The following KBTBD7 variants were observed in gnomAD, a reference collection of about 807,000 sequenced individuals.
The protein encoded by KBTBD7 is kelch repeat and BTB domain-containing protein 7.
Under a neutral mutation model 50.3 loss-of-function variants are expected in KBTBD7, and 25 were observed. That is an observed-to-expected ratio of 0.50 (90% CI 0.36 to 0.69). The LOEUF is 0.69. Among genes scored for constraint, KBTBD7 ranks in the 30% least tolerant of loss-of-function variants. The pLI is 0.00. For synonymous variants in KBTBD7, 305 were observed against 325.3 expected (o/e 0.94, Z 0.67); for missense variants, 653 against 869.5 (o/e 0.75, Z 3.13).
Position 41,191,778 on chromosome 13 carries a change from C to A in KBTBD7, c.*425G>T. Reference sequence around the variant, plus strand: ...TTTATTTTGAAGGAAAGTACACATCCTTCAAAACCCCGCTAACAATTCCTA... The same window carrying A: ...TTTATTTTGAAGGAAAGTACACATCATTCAAAACCCCGCTAACAATTCCTA... On this transcript the variant is annotated 3_prime_UTR_variant, in exon 1 of 1. Coordinates refer to ENST00000379483, the MANE Select transcript of KBTBD7 (RefSeq NM_032138.7). 6.5e-6 allele frequency: 1 copy of A among 154,058 alleles called. No homozygotes were observed. Among genetic ancestry groups the A allele is most frequent in the Non-Finnish European group, 1.4e-5 (1 of 69,576 alleles). The allele number at this position is 154,058 out of a possible 1,614,324, so 9.5% of individuals were successfully genotyped here.
In KBTBD7 at chr13:41,194,321, C is replaced by T; in HGVS notation, c.-64G>A. 6.4e-7 allele frequency: 1 copy of T among 1,563,818 alleles called. No homozygotes were observed. The highest frequency in any genetic ancestry group is 1.2e-5 in the South Asian group (1 of 83,830). On this transcript the variant is annotated 5_prime_UTR_variant, in exon 1 of 1. Transcript: ENST00000379483. ...GCAGGACCAGGCTCTGGCTCCTCCTCAACCTTCCCTCGCTGACGCTAAGAC... is the reference window on the plus strand; with the variant it reads ...GCAGGACCAGGCTCTGGCTCCTCCTTAACCTTCCCTCGCTGACGCTAAGAC...
Position 41,191,976 on chromosome 13 carries a change from C to T in KBTBD7, c.*227G>A, listed in dbSNP as rs967270948. On this transcript the variant is annotated 3_prime_UTR_variant, in exon 1 of 1. Transcript: ENST00000379483. ...AAAAAAACCTACCAAGCATCCTAAT[C>T]AATTATATAGTTCTTGCTTCCATAT... is the stretch of plus-strand genomic sequence containing the variant. The T allele has an allele frequency of 2.5e-5, 11 of 433,402 alleles. No individual in the cohort carries two copies. The highest frequency in any genetic ancestry group is 4.1e-5 in the Non-Finnish European group (10 of 245,846). 26.8% of individuals were successfully genotyped at this position (433,402 alleles called of 1,614,324 possible). A position where few individuals can be genotyped will look rare whatever the true frequency, so the allele number is the denominator to read the frequency against.
chr13:41,193,934 C>T lies in KBTBD7; in HGVS notation c.324G>A (p.Gln108=). ...SMFTGGMYES[Q]QASVTMHDVD... Reference sequence around the variant, plus strand: ...CATCGTGCATGGTCACGCTGGCCTGCTGGCTCTCGTACATGCCACCTGTGA... The same window carrying T: ...CATCGTGCATGGTCACGCTGGCCTGTTGGCTCTCGTACATGCCACCTGTGA... The change falls in exon 1 of 1, where the codon CAG becomes CAA. Residue 108 remains glutamine, a synonymous_variant. Coordinates refer to ENST00000379483, the MANE Select transcript of KBTBD7 (RefSeq NM_032138.7). This position sits in a 1 kb window ranked among gnomAD's most constrained non-coding sequence, Gnocchi z 5.7. The T allele has an allele frequency of 6.2e-7, 1 of 1,613,870 alleles. No homozygotes were observed. The highest frequency in any genetic ancestry group is 8.5e-7 in the Non-Finnish European group (1 of 1,179,860).
In KBTBD7 at chr13:41,190,455, A is replaced by C. The variant is rs1420569064; in HGVS notation, c.*1748T>G. 6.6e-6 allele frequency: 1 copy of C among 152,108 alleles called. No individual in the cohort carries two copies. The highest frequency in any genetic ancestry group is 1.5e-5 in the Non-Finnish European group (1 of 67,976). 9.4% of individuals were successfully genotyped at this position (152,108 alleles called of 1,614,324 possible). On this transcript the variant is annotated 3_prime_UTR_variant, in exon 1 of 1. Coordinates refer to ENST00000379483, the MANE Select transcript of KBTBD7 (RefSeq NM_032138.7). ...CTTTCTCTTTCCTTTTCGTTCAAAA[A>C]TTCAGTTCCCCATCCTAGACCAGAC...
At position 41,194,083 on chromosome 13, in the gene KBTBD7, C is replaced by T. The variant is rs777079645; in HGVS notation, c.175G>A (p.Ala59Thr). The change falls in exon 1 of 1, where the codon GCG becomes ACG. Residue 59 changes from alanine (A) to threonine (T), a missense_variant. Physicochemically the swap from Ala to Thr is moderately conservative, Grantham distance 58. Around this residue, in one of 3 missense-constraint regions of KBTBD7, gnomAD observed 119 missense variants for 125.0 expected, o/e 0.95. Transcript: ENST00000379483. ...ATGGTCACATCACACAGCAGCCGCG[C>T]GTCGTAGAAGGACTTGAGCTGTGCC... ...LLAQLKSFYD[A>T]RLLCDVTIEV... 12 of 1,614,050 alleles carry T rather than the reference C, an allele frequency of 7.4e-6. No homozygotes were observed. Among genetic ancestry groups the T allele is most frequent in the Middle Eastern group, 1.6e-4 (1 of 6,084 alleles).
In KBTBD7 at chr13:41,192,127, T is replaced by C. The variant is rs2031403586; in HGVS notation, c.*76A>G. 1 of 1,458,288 alleles carries C rather than the reference T, an allele frequency of 6.9e-7. No homozygotes were observed. The highest frequency in any genetic ancestry group is 9.3e-7 in the Non-Finnish European group (1 of 1,080,216). 90.3% of individuals were successfully genotyped at this position (1,458,288 alleles called of 1,614,324 possible). A position where few individuals can be genotyped will look rare whatever the true frequency, so the allele number is the denominator to read the frequency against. ...ATCTGTGGTCCTAATCAACTTTTTT[T>C]CCAAGAAAAAGAAACGATATGTGTT... On this transcript the variant is annotated 3_prime_UTR_variant, in exon 1 of 1. Coordinates refer to ENST00000379483, the MANE Select transcript of KBTBD7 (RefSeq NM_032138.7).
chr13:41,190,696 AC>A lies in KBTBD7; in HGVS notation c.*1506del, dbSNP rs1306137418. On this transcript the variant is annotated 3_prime_UTR_variant, in exon 1 of 1. Transcript: ENST00000379483. ...ATTAATAAACCTTCAAAAGGTAAGCACCTATATTTTCTTGTAATTAACAATT... is the reference window on the plus strand; with the variant it reads ...ATTAATAAACCTTCAAAAGGTAAGCACTATATTTTCTTGTAATTAACAATT... 1 of 152,166 alleles carries A rather than the reference AC, an allele frequency of 6.6e-6. No homozygotes were observed. The highest frequency in any genetic ancestry group is 2.4e-5 in the African/African-American group (1 of 41,450). The allele number at this position is 152,166 out of a possible 1,614,324, so 9.4% of individuals were successfully genotyped here. A position where few individuals can be genotyped will look rare whatever the true frequency, so the allele number is the denominator to read the frequency against.
In KBTBD7 at chr13:41,191,941, T is replaced by C. The variant is rs1593477687; in HGVS notation, c.*262A>G. 6 of 370,202 alleles carry C rather than the reference T, an allele frequency of 1.6e-5. No homozygotes were observed. In the East Asian group the frequency reaches 2.5e-4, roughly 16 times the overall value. 22.9% of individuals were successfully genotyped at this position (370,202 alleles called of 1,614,324 possible). On this transcript the variant is annotated 3_prime_UTR_variant, in exon 1 of 1. Transcript: ENST00000379483. ...AAACAATCCACTGTGCAATGAATATTTGAACAATGAAAAAAACCTACCAAG... is the reference window on the plus strand; with the variant it reads ...AAACAATCCACTGTGCAATGAATATCTGAACAATGAAAAAAACCTACCAAG...
rs757579624 is a variant in KBTBD7 at position 41,193,629 on chromosome 13, C to T, written c.629G>A (p.Arg210Gln). The T allele has an allele frequency of 1.2e-6, 2 of 1,614,046 alleles. No homozygotes were observed. The highest frequency in any genetic ancestry group is 2.2e-5 in the East Asian group (1 of 44,888). Reference sequence around the variant, plus strand: ...GGTTAGATCTGCTAGAGTCTCCTCCCGAATTGAACCCATTCGGCTGAGCTG... The same window carrying T: ...GGTTAGATCTGCTAGAGTCTCCTCCTGAATTGAACCCATTCGGCTGAGCTG... ...FKQLSRMGSI[R>Q]EETLADLTLA... The change falls in exon 1 of 1, where the codon CGG becomes CAG. Residue 210 changes from arginine to glutamine, a missense_variant. Around this residue, in one of 3 missense-constraint regions of KBTBD7, gnomAD observed 526 missense variants for 717.1 expected, o/e 0.73. Transcript: ENST00000379483. This position sits in a 1 kb window ranked among gnomAD's most constrained non-coding sequence, Gnocchi z 5.7.
In KBTBD7 at chr13:41,192,833, A is replaced by G. The variant is rs144265707; in HGVS notation, c.1425T>C (p.Tyr475=). 522 of 1,614,216 alleles carry G rather than the reference A, an allele frequency of 3.2e-4. No individual in the cohort carries two copies. The highest frequency in any genetic ancestry group is 4.2e-4 in the Non-Finnish European group (497 of 1,180,028). ...ALVAPVPHSF[Y]SFELIVVQNY... ...TCTGAACCACTATGAGTTCAAAGGAATAGAAGGAATGAGGGACAGGAGCCA... is the reference window on the plus strand; with the variant it reads ...TCTGAACCACTATGAGTTCAAAGGAGTAGAAGGAATGAGGGACAGGAGCCA... The change falls in exon 1 of 1, where the codon TAT becomes TAC. Residue 475 remains tyrosine, a synonymous_variant. Coordinates refer to ENST00000379483, the MANE Select transcript of KBTBD7 (RefSeq NM_032138.7).
chr13:41,193,696 G>A lies in KBTBD7; in HGVS notation c.562C>T (p.Leu188Phe). 6.2e-7 allele frequency: 1 copy of A among 1,614,228 alleles called. No homozygotes were observed. The highest frequency in any genetic ancestry group is 8.5e-7 in the Non-Finnish European group (1 of 1,180,036). ...ATGTAGGACTGGGCCTGAGATCGAA[G>A]CTTGTGATGGTCGAAGGCGTCTGCA... is the stretch of plus-strand genomic sequence containing the variant. ...KFADAFDHHK[L>F]RSQAQSYIAH... Residue 188 changes from leucine to phenylalanine, a missense_variant, in exon 1 of 1, where the codon CTT becomes TTT. Physicochemically the swap from Leu to Phe is conservative, Grantham distance 22 (BLOSUM62 0). This residue lies in a region of KBTBD7 where 526 missense variants were observed against 717.1 expected (regional missense o/e 0.73). Transcript: ENST00000379483. The surrounding 1 kb of genome is among the most constrained non-coding windows in gnomAD (Gnocchi z 5.7).
Position 41,192,894 on chromosome 13 carries a change from T to A in KBTBD7, c.1364A>T (p.Glu455Val). The change falls in exon 1 of 1, where the codon GAA becomes GTA. Residue 455 changes from glutamate to valine, a missense_variant. Physicochemically the swap from Glu to Val is moderately radical, Grantham distance 121 (BLOSUM62 -2). Around this residue, in one of 3 missense-constraint regions of KBTBD7, gnomAD observed 526 missense variants for 717.1 expected, o/e 0.73. Coordinates refer to ENST00000379483, the MANE Select transcript of KBTBD7 (RefSeq NM_032138.7). ...CTGGTTTCTCTGAACACTGTAGCAT[T>A]CCACTTCCTTCAACTTAACTCCAGT... is the stretch of plus-strand genomic sequence containing the variant. ...PITGVKLKEV[E>V]CYSVQRNQWA... The A allele has an allele frequency of 1.2e-6, 2 of 1,614,202 alleles. No individual in the cohort carries two copies.
chr13:41,193,633 T>C lies in KBTBD7; in HGVS notation c.625A>G (p.Ile209Val), dbSNP rs1480504441. ...AGATCTGCTAGAGTCTCCTCCCGAA[T>C]TGAACCCATTCGGCTGAGCTGCTTG... is the stretch of plus-strand genomic sequence containing the variant. ...NFKQLSRMGS[I>V]REETLADLTL... Residue 209 changes from isoleucine to valine, a missense_variant, in exon 1 of 1, where the codon ATT becomes GTT. Ile to Val is a conservative substitution (Grantham distance 29). Around this residue, in one of 3 missense-constraint regions of KBTBD7, gnomAD observed 526 missense variants for 717.1 expected, o/e 0.73. Coordinates refer to ENST00000379483, the MANE Select transcript of KBTBD7 (RefSeq NM_032138.7). The surrounding 1 kb of genome is among the most constrained non-coding windows in gnomAD (Gnocchi z 5.7). 2 of 1,614,168 alleles carry C rather than the reference T, an allele frequency of 1.2e-6. No homozygotes were observed. The highest frequency in any genetic ancestry group is 1.1e-5 in the South Asian group (1 of 91,082).
In KBTBD7 at chr13:41,194,295, T is replaced by G. The variant is rs1349898790; in HGVS notation, c.-38A>C. ...GACGGGCGCTGACGGCGAGAAAGGC[T>G]GCAGGACCAGGCTCTGGCTCCTCCT... On this transcript the variant is annotated 5_prime_UTR_variant, in exon 1 of 1. Coordinates refer to ENST00000379483, the MANE Select transcript of KBTBD7 (RefSeq NM_032138.7). 4.4e-6 allele frequency: 7 copies of G among 1,600,698 alleles called. No individual in the cohort carries two copies. The South Asian group carries it at 7.8e-5, about 18-fold the overall frequency.
In KBTBD7 at chr13:41,191,451, G is replaced by A. The variant is rs1268323143; in HGVS notation, c.*752C>T. On this transcript the variant is annotated 3_prime_UTR_variant, in exon 1 of 1. Coordinates refer to ENST00000379483, the MANE Select transcript of KBTBD7 (RefSeq NM_032138.7). ...ATTCATGACATTACTAAGAATGGGTGTTTTTTGGGATAGAAAATTGGTCAC... is the reference window on the plus strand; with the variant it reads ...ATTCATGACATTACTAAGAATGGGTATTTTTTGGGATAGAAAATTGGTCAC... The A allele has an allele frequency of 7.2e-6, 1 of 139,660 alleles. No homozygotes were observed. The allele number at this position is 139,660 out of a possible 1,614,324, so 8.7% of individuals were successfully genotyped here.
Position 41,193,286 on chromosome 13 carries a change from G to T in KBTBD7, c.972C>A (p.Ser324Arg), listed in dbSNP as rs769051197. ...VPNSSSSSSS[S>R]NSLVSAAENP... ...TTTCTGCTGCAGATACAAGAGAGTT[G>T]CTGCTGCTACTGCTGCTGCTGCTGT... Residue 324 changes from serine to arginine, a missense_variant, in exon 1 of 1, where the codon AGC (serine) becomes AGA (arginine). Ser to Arg is a moderately radical substitution (Grantham distance 110, BLOSUM62 -1). This residue lies in a region of KBTBD7 where 526 missense variants were observed against 717.1 expected (regional missense o/e 0.73). Transcript: ENST00000379483. This position sits in a 1 kb window ranked among gnomAD's most constrained non-coding sequence, Gnocchi z 5.7. 3.1e-6 allele frequency: 5 copies of T among 1,612,310 alleles called. No individual in the cohort carries two copies. In the Admixed American group the frequency reaches 6.7e-5, roughly 22 times the overall value.
chr13:41,192,091 T>A lies in KBTBD7; in HGVS notation c.*112A>T, dbSNP rs1787691854. On this transcript the variant is annotated 3_prime_UTR_variant, in exon 1 of 1. Coordinates refer to ENST00000379483, the MANE Select transcript of KBTBD7 (RefSeq NM_032138.7). ...TTGTAGTATTTCAAAATATTACCCT[T>A]TCTAAACCAAATCTGTGGTCCTAAT... The A allele has an allele frequency of 9.2e-7, 1 of 1,083,604 alleles. No individual in the cohort carries two copies. The highest frequency in any genetic ancestry group is 2.3e-5 in the Admixed American group (1 of 43,416). 67.1% of individuals were successfully genotyped at this position (1,083,604 alleles called of 1,614,324 possible).
Position 41,192,359 on chromosome 13 carries a change from T to C in KBTBD7, c.1899A>G (p.Glu633=), listed in dbSNP as rs781424165. 10 of 1,614,052 alleles carry C rather than the reference T, an allele frequency of 6.2e-6. No homozygotes were observed. In the African/African-American group the frequency reaches 1.2e-4, roughly 19 times the overall value. Reference sequence around the variant, plus strand: ...TACTAGACTCACTCCGTGCATCATCTTCCTCAGTAATAAAACTCTGACCAG... The same window carrying C: ...TACTAGACTCACTCCGTGCATCATCCTCCTCAGTAATAAAACTCTGACCAG... The part of the protein sequence containing the change: ...LEPGQSFITE[E]DDARSESSTE... The change falls in exon 1 of 1, where the codon GAA becomes GAG. Residue 633 remains glutamate (E), a synonymous_variant. Coordinates refer to ENST00000379483, the MANE Select transcript of KBTBD7 (RefSeq NM_032138.7).
At position 41,193,439 on chromosome 13, in the gene KBTBD7, T is replaced by G; in HGVS notation, c.819A>C (p.Glu273Asp). 1 of 1,614,150 alleles carries G rather than the reference T, an allele frequency of 6.2e-7. No homozygotes were observed. The highest frequency in any genetic ancestry group is 8.5e-7 in the Non-Finnish European group (1 of 1,180,016). ...GCAGCCCTTCTAAGTAGTCCTGATCTTCTTCAGTGAAGTGCATCCAGCGCA... is the reference window on the plus strand; with the variant it reads ...GCAGCCCTTCTAAGTAGTCCTGATCGTCTTCAGTGAAGTGCATCCAGCGCA... ...KCVRWMHFTE[E>D]DQDYLEGLLT... The change falls in exon 1 of 1, where the codon GAA (glutamate) becomes GAC (aspartate). Residue 273 changes from glutamate to aspartate, a missense_variant. This residue lies in a region of KBTBD7 where 526 missense variants were observed against 717.1 expected (regional missense o/e 0.73). Coordinates refer to ENST00000379483, the MANE Select transcript of KBTBD7 (RefSeq NM_032138.7). The surrounding 1 kb of genome is among the most constrained non-coding windows in gnomAD (Gnocchi z 5.7).
Sources: gnomAD v4.1 joint callset for allele counts on GRCh38, gnomAD v4.1.1 for gene constraint, gnomAD v4.1.1 regional missense constraint, Gnocchi (gnomAD v3.1) non-coding constraint, MANE v1.5 for transcripts, NCBI Gene and HGNC (gene_info 2026-07-23, HGNC 2026-07-21) for gene names.